FOXP2: variants seen among roughly 807,000 people sequenced by gnomAD.
The protein encoded by FOXP2 is forkhead box P2, also known as forkhead box protein P2.
In FOXP2, 12 loss-of-function variants were observed where a neutral mutation model predicts 115.8. That is an observed-to-expected ratio of 0.10 (90% confidence interval 0.07 to 0.17). The LOEUF is 0.17. FOXP2 is among the 10% of genes least tolerant of loss of function. The pLI, the probability that FOXP2 is intolerant of heterozygous loss-of-function variation, is 1.00. For synonymous variants in FOXP2, 328 were observed against 297.7 expected, an observed-to-expected ratio of 1.10 and a Z score of -1.05; for missense variants, 629 against 843.5, an observed-to-expected ratio of 0.75 and a Z score of 3.15.
chr7:114,245,795 TA>T, intron 1 of FOXP2, among the ~76,000 whole-genome samples: 1 of 152,168 alleles, frequency 6.6e-6, no homozygotes, highest in Non-Finnish European at 1.5e-5. Context: ...TCTAAGTGTA[TA>T]AAATTTATTC....
At chr7:114,377,159 T>C (rs573778658) in intron 2 of FOXP2, among the ~76,000 whole-genome samples, 7 of 152,258 alleles carry the variant, frequency 4.6e-5, no homozygotes, top group Admixed American at 6.5e-5. Context: ...AAAAGAGTGA[T>C]GGATGGTGAC....
Position 114,659,637 on chromosome 7 carries a change from A to T in FOXP2, c.1611A>T (p.Thr537=), listed in dbSNP as rs764207267. The change falls in exon 13 of 17, where the codon ACA becomes ACT. Residue 537 remains threonine (T), a synonymous_variant. Coordinates refer to ENST00000350908, the MANE Select transcript of FOXP2 (RefSeq NM_014491.4). ...AAATTTACAGCTGGTTTACACGGAC[A>T]TTTGCTTACTTCAGGCGTAATGCAG... ...LNEIYSWFTR[T]FAYFRRNAAT... 5.0e-6 allele frequency: 8 copies of T among 1,613,604 alleles called. No individual in the cohort carries two copies. The highest frequency in any genetic ancestry group is 5.1e-6 in the Non-Finnish European group (6 of 1,179,728).
intron 2 of FOXP2, among the ~76,000 whole-genome samples, chr7:114,490,298 G>A (rs1238577640): frequency 6.6e-6 from 1 of 152,076 alleles, no homozygotes; most frequent in African/African-American, 2.4e-5. Context: ...GCATTACTAG[G>A]TGAAAGAAGC....
At chr7:114,592,990 C>T (rs1395785714) in intron 3 of FOXP2, among the ~76,000 whole-genome samples, 1 of 151,854 alleles carries the variant, frequency 6.6e-6, no homozygotes, top group African/African-American at 2.4e-5. Flanking sequence ...GTTTTCAGTA[C>T]CCGTATTCAC....
chr7:114,622,980 T>C (rs1804335230), intron 3 of FOXP2, among the ~76,000 whole-genome samples: 1 of 151,944 alleles, frequency 6.6e-6, no homozygotes, highest in African/African-American at 2.4e-5. Context: ...GGTGTTTTCA[T>C]AAATGACTAT....
chr7:114,399,747 G>GTT (rs1411598531), intron 2 of FOXP2, among the ~76,000 whole-genome samples: 1 of 151,692 alleles, frequency 6.6e-6, no homozygotes, highest in Non-Finnish European at 1.5e-5. Context: ...AATACTGTGT[G>GTT]TTAAAGCTAG....
chr7:114,519,242 A>G (rs1449768010), intron 2 of FOXP2, among the ~76,000 whole-genome samples: 1 of 152,186 alleles, frequency 6.6e-6, no homozygotes, highest in Admixed American at 6.6e-5. Context: ...TTGGCAGGGT[A>G]AGATTTTGAC....
chr7:114,652,903 G>T (rs1473687040), intron 9 of FOXP2, among the ~76,000 whole-genome samples: 1 of 152,044 alleles, frequency 6.6e-6, no homozygotes, highest in South Asian at 2.1e-4. Context: ...TGTTGAAACA[G>T]AATTTGGCCA....
At chr7:114,508,178 T>C (rs1202812869) in intron 2 of FOXP2, among the ~76,000 whole-genome samples, 1 of 152,014 alleles carries the variant, frequency 6.6e-6, no homozygotes, top group East Asian at 1.9e-4. Flanking sequence ...AGCACAACTT[T>C]TTTCTGCTTA....
intron 1 of FOXP2, among the ~76,000 whole-genome samples, chr7:114,120,142 A>C (rs545638505): frequency 6.6e-6 from 1 of 152,100 alleles, no homozygotes; most frequent in Admixed American, 6.6e-5. Flanking sequence ...CAGAGTGGCT[A>C]ATTACAGTAA....
At chr7:114,609,140 G>T (rs1803493335) in intron 3 of FOXP2, among the ~76,000 whole-genome samples, 1 of 151,724 alleles carries the variant, frequency 6.6e-6, no homozygotes, top group East Asian at 1.9e-4. Context: ...TTGAACCCAG[G>T]AGTCGGAGGT....
intron 1 of FOXP2, among the ~76,000 whole-genome samples, chr7:114,128,114 T>C (rs1331488523): frequency 2.6e-5 from 4 of 152,230 alleles, no homozygotes; most frequent in Non-Finnish European, 5.9e-5. Flanking sequence ...GAGATCTGCA[T>C]GTGGTAAACT....
In FOXP2 at chr7:114,581,075, G is replaced by GCACACACACA. The variant is rs3028257; in HGVS notation, c.258+46392_258+46401dup. On this transcript the variant is annotated intron_variant, in intron 3 of 16. Coordinates refer to ENST00000350908, the MANE Select transcript of FOXP2 (RefSeq NM_014491.4). ...AGAAGATACACTCACATAAACACATGCACACACACACACACACACACACAC... is the reference window on the plus strand; with the variant it reads ...AGAAGATACACTCACATAAACACATGCACACACACACACACACACACACACACACACACAC... Among the ~76,000 whole-genome samples the GCACACACACA allele has an allele frequency of 2.7e-3, 396 of 144,760 alleles. 4 individuals carry two copies. The highest frequency in any genetic ancestry group is 6.0e-3 in the African/African-American group (233 of 39,050). The allele number at this position is 144,760 out of a possible 152,430, so 95.0% of individuals were successfully genotyped here.
At chr7:114,210,949 TGG>T (rs1794330975) in intron 1 of FOXP2, among the ~76,000 whole-genome samples, 1 of 152,002 alleles carries the variant, frequency 6.6e-6, no homozygotes, top group Non-Finnish European at 1.5e-5. Context: ...TGCTGCATTG[TGG>T]GGTCCCTTCC....
chr7:114,106,173 C>T (rs756199013), intron 1 of FOXP2, among the ~76,000 whole-genome samples: 1 of 152,068 alleles, frequency 6.6e-6, no homozygotes, highest in African/African-American at 2.4e-5. Context: ...CAAGTTCTTT[C>T]ATCTGTGAAC....
At chr7:114,397,547 C>G (rs1351124395) in intron 2 of FOXP2, among the ~76,000 whole-genome samples, 3 of 152,058 alleles carry the variant, frequency 2.0e-5, no homozygotes, top group Non-Finnish European at 4.4e-5. Context: ...GTAAGAAAGA[C>G]TACATTACAA....
At chr7:114,437,849 CTCAGT>C (rs1283847250) in intron 2 of FOXP2, among the ~76,000 whole-genome samples, 2 of 152,044 alleles carry the variant, frequency 1.3e-5, no homozygotes, top group African/African-American at 2.4e-5. Flanking sequence ...CTCAGTTCTG[CTCAGT>C]TCAGTTCAGT....
At chr7:114,327,236 G>A (rs907828839) in intron 2 of FOXP2, among the ~76,000 whole-genome samples, 1 of 152,152 alleles carries the variant, frequency 6.6e-6, no homozygotes, top group African/African-American at 2.4e-5. Flanking sequence ...TGTTAGCCAG[G>A]TACTTAGCAG....
At chr7:114,615,198 A>G (rs979758203) in intron 3 of FOXP2, among the ~76,000 whole-genome samples, 1 of 152,172 alleles carries the variant, frequency 6.6e-6, no homozygotes, top group African/African-American at 2.4e-5. Flanking sequence ...AAACTTAAGC[A>G]ACAGAGCAAG....
Sources: gnomAD v4.1 joint callset for allele counts (sites outside exome capture counted in the v4.1 genomes callset) on GRCh38, gnomAD v4.1.1 for gene constraint, MANE v1.5 for transcripts, NCBI Gene and HGNC (gene_info 2026-07-23, HGNC 2026-07-21) for gene names.